The following MCM6 variants were observed in gnomAD, a reference collection of about 807,000 sequenced individuals.
MCM6 encodes DNA replication licensing factor MCM6.
A neutral mutation model predicts 94.3 loss-of-function variants in MCM6; 46 were observed. That is an observed-to-expected ratio of 0.49 (90% confidence interval 0.39 to 0.62). The LOEUF is 0.62. Ranked by LOEUF, MCM6 falls within the 20% of genes least tolerant of loss-of-function variation. The pLI is 0.00. For synonymous variants in MCM6, 335 were observed against 351.9 expected (o/e 0.95, Z 0.54); for missense variants, 865 against 1,017.9 (o/e 0.85, Z 2.04).
chr2:135,850,700 A>G (rs543184103), intron 13 of MCM6, among the ~76,000 whole-genome samples: 41 of 152,336 alleles, frequency 2.7e-4, no homozygotes, highest in African/African-American at 9.1e-4. Context: ...GAAAAGAGGC[A>G]GGGGTTTGGA....
chr2:135,862,512 C>T, intron 8 of MCM6, 95 bp downstream of exon 8: 1 of 1,281,798 alleles, frequency 7.8e-7, no homozygotes, highest in East Asian at 2.3e-5. Flanking sequence ...ATTTACACTC[C>T]TAGTAAGGCC....
At chr2:135,874,938 C>G (rs1200944490) in intron 1 of MCM6, among the ~76,000 whole-genome samples, 1 of 152,172 alleles carries the variant, frequency 6.6e-6, no homozygotes, top group African/African-American at 2.4e-5. Context: ...AAATACTACA[C>G]GCTTCCACTT....
At chr2:135,845,454 C>T (rs574196646) in intron 15 of MCM6, among the ~76,000 whole-genome samples, 37 of 152,286 alleles carry the variant, frequency 2.4e-4, no homozygotes, top group African/African-American at 8.2e-4. Flanking sequence ...AAAGCTGAGG[C>T]GTCCTAGTGG....
intron 4 of MCM6, among the ~76,000 whole-genome samples, chr2:135,867,843 CGAT>C (rs1680127642): frequency 6.6e-6 from 1 of 152,016 alleles, no homozygotes. Context: ...TGGTTTAACA[CGAT>C]GAAACCCTGT....
chr2:135,848,039 A>G lies in MCM6; in HGVS notation c.2053+14T>C. ...TCCCTAACTCCAAAACAGTCACATG[A>G]ACAAGTATCTCACCATTGATGCCAC... On this transcript the variant is annotated intron_variant, in intron 14 of 16. Coordinates refer to ENST00000264156, the MANE Select transcript of MCM6 (RefSeq NM_005915.6). The G allele has an allele frequency of 6.3e-7, 1 of 1,597,238 alleles. No homozygotes were observed. The highest frequency in any genetic ancestry group is 8.6e-7 in the Non-Finnish European group (1 of 1,166,742).
intron 3 of MCM6, among the ~76,000 whole-genome samples, chr2:135,869,716 G>C (rs190092563): frequency 1.3e-5 from 2 of 152,148 alleles, no homozygotes; most frequent in East Asian, 3.9e-4. Context: ...AATTTCCAGA[G>C]ATTCAGGAAT....
chr2:135,844,190 T>C (rs749216497), intron 16 of MCM6, among the ~76,000 whole-genome samples: 8 of 151,322 alleles, frequency 5.3e-5, no homozygotes, highest in Admixed American at 6.6e-5. Flanking sequence ...AGATTGACTA[T>C]TGGGTTGGGT....
chr2:135,847,527 T>G (rs1370110638), intron 14 of MCM6, among the ~76,000 whole-genome samples: 2 of 152,224 alleles, frequency 1.3e-5, no homozygotes, highest in Non-Finnish European at 2.9e-5. Flanking sequence ...TTTATGTCTA[T>G]TATCACCATT....
chr2:135,857,634 T>C (rs1273710012), intron 10 of MCM6, among the ~76,000 whole-genome samples: 2 of 152,194 alleles, frequency 1.3e-5, no homozygotes, highest in African/African-American at 4.8e-5. Context: ...TGGTTATTTT[T>C]GTTATAATTG....
At position 135,846,296 on chromosome 2, in the gene MCM6, A is replaced by C. The variant is rs768806955; in HGVS notation, c.2150T>G (p.Phe717Cys). 28 of 1,614,044 alleles carry C rather than the reference A, an allele frequency of 1.7e-5. No individual in the cohort carries two copies. Among genetic ancestry groups the C allele is most frequent in the Non-Finnish European group, 2.4e-5 (28 of 1,180,022 alleles). ...GTTAGAGATTCGGCAGTACTCAGAG[A>C]AGCCCAGCCTTAAGGAGGCTTTGGG... Reference protein sequence around the residue: ...SAPKASLRLGFSEYCRISNLI... With the variant: ...SAPKASLRLGCSEYCRISNLI... Residue 717 changes from phenylalanine (F) to cysteine (C), a missense_variant, in exon 15 of 17, where the codon TTC (phenylalanine) becomes TGC (cysteine). By Grantham distance (205) the Phe-to-Cys change is radical. Coordinates refer to ENST00000264156, the MANE Select transcript of MCM6 (RefSeq NM_005915.6).
At chr2:135,875,976 C>A (rs1013646087) in intron 1 of MCM6, among the ~76,000 whole-genome samples, 1 of 152,228 alleles carries the variant, frequency 6.6e-6, no homozygotes, top group Non-Finnish European at 1.5e-5. Context: ...GTGCAAATAC[C>A]AGGCTCGCGG....
At chr2:135,871,024 A>G (rs1241158394) in intron 2 of MCM6, among the ~76,000 whole-genome samples, 1 of 152,146 alleles carries the variant, frequency 6.6e-6, no homozygotes, top group Non-Finnish European at 1.5e-5. Flanking sequence ...AAGTGTTAGG[A>G]TTACAGGTGT....
At chr2:135,859,251 G>A (rs752254265) in intron 9 of MCM6, 50 bp downstream of exon 9, 10 of 1,476,032 alleles carry the variant, frequency 6.8e-6, no homozygotes, top group South Asian at 6.0e-5. Flanking sequence ...TTACTGATAG[G>A]GTAGGGGTAT....
At chr2:135,860,220 C>T (rs1292287763) in intron 8 of MCM6, among the ~76,000 whole-genome samples, 1 of 152,104 alleles carries the variant, frequency 6.6e-6, no homozygotes, top group Admixed American at 6.6e-5. Context: ...CCAAGCTCTG[C>T]CTACTGGGTT....
chr2:135,847,223 G>T (rs568920192), intron 14 of MCM6, among the ~76,000 whole-genome samples: 9 of 152,210 alleles, frequency 5.9e-5, no homozygotes, highest in African/African-American at 2.2e-4. Flanking sequence ...CTACCAGTCT[G>T]GGCAATATGG....
chr2:135,844,536 TG>T lies in MCM6; in HGVS notation c.2349+8del. The T allele has an allele frequency of 6.5e-7, 1 of 1,528,490 alleles. No homozygotes were observed. Among genetic ancestry groups the T allele is most frequent in the Non-Finnish European group, 8.8e-7 (1 of 1,139,472 alleles). The allele number at this position is 1,528,490 out of a possible 1,614,324, so 94.7% of individuals were successfully genotyped here. ...CCTGATACCAGAGCACGCGCACTTC[TG>T]CACCTACATAGTGTGTGAGTCGATG... On this transcript the variant is annotated splice_region_variant and intron_variant, in intron 16 of 16. Coordinates refer to ENST00000264156, the MANE Select transcript of MCM6 (RefSeq NM_005915.6).
At chr2:135,873,874 T>G (rs1382315744) in intron 1 of MCM6, among the ~76,000 whole-genome samples, 1 of 152,208 alleles carries the variant, frequency 6.6e-6, no homozygotes, top group African/African-American at 2.4e-5. Flanking sequence ...AAAGGTGGCG[T>G]TGGAATTCAG....
chr2:135,851,425 C>CCATA lies in MCM6; in HGVS notation c.1890_1893dup (p.Ala632TyrfsTer8). 6.2e-7 allele frequency: 1 copy of CCATA among 1,613,554 alleles called. No individual in the cohort carries two copies. The highest frequency in any genetic ancestry group is 8.5e-7 in the Non-Finnish European group (1 of 1,179,724). On this transcript the variant is annotated frameshift_variant, in exon 13 of 17. Coordinates refer to ENST00000264156, the MANE Select transcript of MCM6 (RefSeq NM_005915.6). LOFTEE classifies it high-confidence loss of function. ...ACCTCATCACAGCAGTGCATCCGAG[C>CCATA]CATAGCTTCAGAGAGACGAATCATG...
intron 11 of MCM6, among the ~76,000 whole-genome samples, chr2:135,854,862 A>C (rs1679844093): frequency 6.6e-6 from 1 of 151,784 alleles, no homozygotes; most frequent in Non-Finnish European, 1.5e-5. Context: ...CCCTGTCTCA[A>C]AAACAAAACA....
Sources: allele counts gnomAD v4.1 joint callset (sites outside exome capture counted in the v4.1 genomes callset), GRCh38; gene constraint gnomAD v4.1.1; transcripts MANE v1.5; gene names NCBI Gene and HGNC (gene_info 2026-07-23, HGNC 2026-07-21).